TYROBP: variants seen among roughly 807,000 people sequenced by gnomAD.
TYROBP encodes TYRO protein tyrosine kinase-binding protein.
Under a neutral mutation model 17.1 loss-of-function variants are expected in TYROBP, and 14 were observed. The observed-to-expected ratio is 0.82, with a 90% CI of 0.54 to 1.28. The LOEUF (loss-of-function observed/expected upper bound fraction) is 1.28, where lower values mean the gene tolerates loss of function less well. Among genes scored for constraint, TYROBP ranks in the 50% most tolerant of loss-of-function variants. TYROBP has a pLI of 0.00. For synonymous variants in TYROBP, 73 were observed against 67.4 expected, an observed-to-expected ratio of 1.08 and a Z score of -0.41; for missense variants, 161 against 151.4, an observed-to-expected ratio of 1.06 and a Z score of -0.33.
chr19:35,905,674 GC>G (rs1291675084), intron 4 of TYROBP, among the ~76,000 whole-genome samples: 53 of 151,412 alleles, frequency 3.5e-4, no homozygotes, highest in Admixed American at 5.9e-4. Flanking sequence ...AAAAATTAAG[GC>G]CGGGCGCGGT....
In TYROBP at chr19:35,907,599, G is replaced by A; in HGVS notation, c.95-19C>T. 6.2e-7 allele frequency: 1 copy of A among 1,614,092 alleles called. No homozygotes were observed. Among genetic ancestry groups the A allele is most frequent in the Non-Finnish European group, 8.5e-7 (1 of 1,180,022 alleles). On this transcript the variant is annotated intron_variant, in intron 2 of 4. Coordinates refer to ENST00000262629, the MANE Select transcript of TYROBP (RefSeq NM_003332.4). Reference sequence around the variant, plus strand: ...CTGCAATCTGCAGCACAGGGGTCAGGGGAGGTCAGTGTGTGCTGGGAACTG... The same window carrying A: ...CTGCAATCTGCAGCACAGGGGTCAGAGGAGGTCAGTGTGTGCTGGGAACTG...
Position 35,907,278 on chromosome 19 carries a change from G to A in TYROBP, c.230-14C>T. Reference sequence around the variant, plus strand: ...TCCGGGTCGCTGCTGGAGGTGAGGGGTGTTGTGGGGTGCAGAGACAGGCAG... The same window carrying A: ...TCCGGGTCGCTGCTGGAGGTGAGGGATGTTGTGGGGTGCAGAGACAGGCAG... On this transcript the variant is annotated splice_polypyrimidine_tract_variant and intron_variant, in intron 3 of 4. Coordinates refer to ENST00000262629, the MANE Select transcript of TYROBP (RefSeq NM_003332.4). 4.3e-6 allele frequency: 7 copies of A among 1,611,970 alleles called. No individual in the cohort carries two copies. The highest frequency in any genetic ancestry group is 5.9e-6 in the Non-Finnish European group (7 of 1,179,168).
chr19:35,907,899 G>T, intron 1 of TYROBP, 137 bp from the exon 2 acceptor site: 2 of 941,602 alleles, frequency 2.1e-6, no homozygotes, highest in Non-Finnish European at 3.4e-6. Context: ...GGGACTCAGG[G>T]GGCTGGCGTC....
intron 4 of TYROBP, 56 bp from the exon 5 acceptor site, chr19:35,904,690 T>A: frequency 6.4e-7 from 1 of 1,558,050 alleles, no homozygotes; most frequent in Non-Finnish European, 8.8e-7. Flanking sequence ...TCCAGCCTTC[T>A]CCCAGTGGCC....
intron 4 of TYROBP, among the ~76,000 whole-genome samples, 177 bp from the exon 5 acceptor site, chr19:35,904,811 C>T (rs1414040929): frequency 6.6e-6 from 1 of 152,176 alleles, no homozygotes; most frequent in East Asian, 1.9e-4. Context: ...TGTGCCCCAG[C>T]CTCAGGGTCC....
intron 3 of TYROBP, 90 bp downstream of exon 3, chr19:35,907,356 C>G: frequency 6.2e-7 from 1 of 1,606,690 alleles, no homozygotes; most frequent in Non-Finnish European, 8.5e-7. Context: ...CCATTACCAT[C>G]CCTTTGGATG....
At chr19:35,904,784 C>T in intron 4 of TYROBP, 150 bp from the exon 5 acceptor site, 1 of 713,950 alleles carries the variant, frequency 1.4e-6, no homozygotes. Context: ...GTTCCCCCTT[C>T]TCCTCTGCCT....
intron 2 of TYROBP, 34 bp downstream of exon 2, chr19:35,907,696 A>G (rs750455140): frequency 1.4e-4 from 226 of 1,613,592 alleles, no homozygotes; most frequent in Non-Finnish European, 1.8e-4. Flanking sequence ...GGTCTCTGGG[A>G]GGTAGAGAGA....
chr19:35,906,249 C>T (rs1433859499), intron 4 of TYROBP, among the ~76,000 whole-genome samples: 2 of 151,862 alleles, frequency 1.3e-5, no homozygotes, highest in Non-Finnish European at 2.9e-5. Context: ...TGACACCATG[C>T]CCAGCTAATT....
chr19:35,906,182 C>A lies in TYROBP; in HGVS notation c.276+1036G>T, dbSNP rs1975720397. 3.3e-5 allele frequency among the ~76,000 whole-genome samples: 5 copies of A among 151,366 alleles called. No homozygotes were observed. The South Asian group carries it at 1.0e-3, about 32-fold the overall frequency. On this transcript the variant is annotated intron_variant, in intron 4 of 4. Coordinates refer to ENST00000262629, the MANE Select transcript of TYROBP (RefSeq NM_003332.4). The stretch of plus-strand genomic sequence containing the variant: ...CCAGGCTCACTGCAACCTCCGCCCC[C>A]TGGGTTCAAGCGATTCTCTTGCCTC...
intron 4 of TYROBP, among the ~76,000 whole-genome samples, chr19:35,905,402 G>A (rs940738306): frequency 2.6e-5 from 4 of 152,164 alleles, no homozygotes; most frequent in Admixed American, 6.5e-5. Flanking sequence ...TAGTCTGGGC[G>A]TGCATTCTTC....
chr19:35,905,421 G>A (rs1975697117), intron 4 of TYROBP, among the ~76,000 whole-genome samples: 1 of 152,104 alleles, frequency 6.6e-6, no homozygotes, highest in South Asian at 2.1e-4. Flanking sequence ...TCAGGGGAGA[G>A]GTCTTAGAGA....
intron 3 of TYROBP, 71 bp from the exon 4 acceptor site, chr19:35,907,335 A>G (rs1975749577): frequency 1.9e-6 from 3 of 1,608,072 alleles, no homozygotes; most frequent in Non-Finnish European, 1.7e-6. Flanking sequence ...TGTCATTCCA[A>G]ATCAGCACCT....
At position 35,908,203 on chromosome 19, in the gene TYROBP, C is replaced by T. The variant is rs775607575; in HGVS notation, c.26G>A (p.Arg9Lys). 1.2e-6 allele frequency: 2 copies of T among 1,614,002 alleles called. No individual in the cohort carries two copies. Among genetic ancestry groups the T allele is most frequent in the East Asian group, 2.2e-5 (1 of 44,878 alleles). The stretch of plus-strand genomic sequence containing the variant: ...CAGCAGGAGAGGCAGGAGCAGGAGC[C>T]TGCTGCAGGGTTCAAGTCCCCCCAT... MGGLEPCS[R>K]LLLLPLLLAV... Residue 9 changes from arginine (R) to lysine (K), a missense_variant, in exon 1 of 5, where the codon AGG becomes AAG. Transcript: ENST00000262629.
chr19:35,907,371 A>C, intron 3 of TYROBP, 75 bp downstream of exon 3: 2 of 1,603,894 alleles, frequency 1.2e-6, no homozygotes, highest in Non-Finnish European at 1.7e-6. Context: ...TGGATGTTTG[A>C]GATCTGGGAG....
At chr19:35,905,765 C>T (rs1183057636) in intron 4 of TYROBP, among the ~76,000 whole-genome samples, 3 of 151,716 alleles carry the variant, frequency 2.0e-5, no homozygotes, top group Non-Finnish European at 4.4e-5. Context: ...CCAGCCTGGC[C>T]AACATAGTGA....
chr19:35,907,511 A>C lies in TYROBP; in HGVS notation c.164T>G (p.Val55Gly), dbSNP rs2146988873. 6.2e-7 allele frequency: 1 copy of C among 1,613,584 alleles called. No homozygotes were observed. The highest frequency in any genetic ancestry group is 8.5e-7 in the Non-Finnish European group (1 of 1,179,748). ...GAAGTACACGGCCAGGGCAATGAGC[A>C]CTGTCAGCACCAGGTCTCCCATCAC... ...GIVMGDLVLT[V>G]LIALAVYFLG... Residue 55 changes from valine to glycine, a missense_variant, in exon 3 of 5, where the codon GTG (valine) becomes GGG (glycine). Transcript: ENST00000262629.
chr19:35,906,872 A>T (rs995100686), intron 4 of TYROBP, among the ~76,000 whole-genome samples: 3 of 151,972 alleles, frequency 2.0e-5, no homozygotes, highest in Non-Finnish European at 4.4e-5. Context: ...GATTACAGGC[A>T]TGCGTTACCA....
At position 35,904,584 on chromosome 19, in the gene TYROBP, C is replaced by G. The variant is rs749346621; in HGVS notation, c.327G>C (p.Arg109Ser). 6.2e-7 allele frequency: 1 copy of G among 1,613,642 alleles called. No individual in the cohort carries two copies. The highest frequency in any genetic ancestry group is 8.5e-7 in the Non-Finnish European group (1 of 1,179,896). The change falls in exon 5 of 5, where the codon AGG becomes AGC. Residue 109 changes from arginine (R) to serine (S), a missense_variant. Transcript: ENST00000262629. ...SDVYSDLNTQ[R>S]PYYK ...TGATTCGGGCTCATTTGTAATACGGCCTCTGTGTGTTGAGGTCGCTGTAGA... is the reference window on the plus strand; with the variant it reads ...TGATTCGGGCTCATTTGTAATACGGGCTCTGTGTGTTGAGGTCGCTGTAGA...
Sources: allele counts gnomAD v4.1 joint callset (sites outside exome capture counted in the v4.1 genomes callset), GRCh38; gene constraint gnomAD v4.1.1; transcripts MANE v1.5; gene names NCBI Gene and HGNC (gene_info 2026-07-23, HGNC 2026-07-21).